The following LOXHD1 variants were observed in gnomAD, a reference collection of about 807,000 sequenced individuals.
LOXHD1 encodes the protein lipoxygenase homology PLAT domains 1.
A neutral mutation model predicts 248.2 loss-of-function variants in LOXHD1; 205 were observed. That is an observed-to-expected ratio of 0.83 (90% CI 0.74 to 0.93). The LOEUF (loss-of-function observed/expected upper bound fraction) is 0.93, where lower values mean the gene tolerates loss of function less well. Among genes scored for constraint, LOXHD1 ranks in the 40% least tolerant of loss-of-function variants. LOXHD1 has a pLI of 0.00. For synonymous variants in LOXHD1, 1,113 were observed against 1,162.8 expected (o/e 0.96, Z 0.87); for missense variants, 2,930 against 2,971.6 (o/e 0.99, Z 0.33).
intron 12 of LOXHD1, among the ~76,000 whole-genome samples, chr18:46,584,779 C>A (rs1465284758): frequency 2.0e-5 from 3 of 152,104 alleles, no homozygotes; most frequent in East Asian, 3.9e-4. Context: ...AACTACAGAC[C>A]AATATCTCTT....
intron 1 of LOXHD1, among the ~76,000 whole-genome samples, chr18:46,651,494 T>C (rs1302748576): frequency 6.6e-6 from 1 of 151,582 alleles, no homozygotes; most frequent in Non-Finnish European, 1.5e-5. Context: ...TGGTGGAAAT[T>C]CTAGAGCCAC....
chr18:46,635,396 G>T (rs529965963), intron 4 of LOXHD1, among the ~76,000 whole-genome samples: 1 of 152,138 alleles, frequency 6.6e-6, no homozygotes, highest in South Asian at 2.1e-4. Flanking sequence ...ATTGCCCTTG[G>T]TCATGTCCTA....
At chr18:46,489,970 C>T (rs935184994) in intron 37 of LOXHD1, among the ~76,000 whole-genome samples, 1 of 152,188 alleles carries the variant, frequency 6.6e-6, no homozygotes, top group Non-Finnish European at 1.5e-5. Flanking sequence ...CATAGCTGCC[C>T]TTGTTATAAT....
intron 2 of LOXHD1, among the ~76,000 whole-genome samples, chr18:46,642,314 C>T (rs1244680004): frequency 3.9e-5 from 6 of 152,236 alleles, no homozygotes. Flanking sequence ...ATTTTACAAA[C>T]TGCTAGTTGG....
chr18:46,560,501 C>A lies in LOXHD1; in HGVS notation c.2643G>T (p.Gly881=), dbSNP rs1262012390. 6.5e-7 allele frequency: 1 copy of A among 1,537,454 alleles called. No homozygotes were observed. The highest frequency in any genetic ancestry group is 8.7e-7 in the Non-Finnish European group (1 of 1,146,516). Residue 881 remains glycine (G), a synonymous_variant, in exon 19 of 41, where the codon GGG becomes GGT. Coordinates refer to ENST00000642948, the MANE Select transcript of LOXHD1 (RefSeq NM_001384474.1). Reference sequence around the variant, plus strand: ...TGGGCCCAAAGCCCTCGCCCGTGTGCCCGAGCCGGAGCTTATAGACCTCGC... The same window carrying A: ...TGGGCCCAAAGCCCTCGCCCGTGTGACCGAGCCGGAGCTTATAGACCTCGC... The part of the protein sequence containing the change: ...DVGEVYKLRL[G]HTGEGFGPSW...
intron 2 of LOXHD1, among the ~76,000 whole-genome samples, chr18:46,642,816 C>T (rs1441802819): frequency 2.6e-5 from 4 of 152,098 alleles, no homozygotes; most frequent in Admixed American, 2.0e-4. Flanking sequence ...TGTGCAGGGC[C>T]GGGGCCCCTG....
Position 46,515,108 on chromosome 18 carries a change from T to C in LOXHD1, c.5399+3021A>G, listed in dbSNP as rs561455292. 4.2e-3 allele frequency among the ~76,000 whole-genome samples: 642 copies of C among 152,308 alleles called. 1 individual carries two copies. Among genetic ancestry groups the C allele is most frequent in the African/African-American group, 0.015 (621 of 41,570 alleles). On this transcript the variant is annotated intron_variant, in intron 34 of 40. Transcript: ENST00000642948. ...GGATAGAGTGAACTGCTATTGGCTATTGTAAGCTTCAGCCCCTGGGTATAG... is the reference window on the plus strand; with the variant it reads ...GGATAGAGTGAACTGCTATTGGCTACTGTAAGCTTCAGCCCCTGGGTATAG...
At chr18:46,479,763 G>GA (rs11366561) in intron 40 of LOXHD1, among the ~76,000 whole-genome samples, 29,396 of 125,478 alleles carry the variant, frequency 0.23, 3,244 homozygotes, top group Middle Eastern at 0.36. Flanking sequence ...ATTCTTAACA[G>GA]AAAAAAAAAA....
At chr18:46,507,461 C>A (rs991193574) in intron 36 of LOXHD1, 77 bp downstream of exon 36, 1 of 1,514,446 alleles carries the variant, frequency 6.6e-7, no homozygotes, top group African/African-American at 1.4e-5. Flanking sequence ...ATGCCCTGAC[C>A]AGAAACAAGG....
At chr18:46,636,392 G>C (rs551951531) in intron 4 of LOXHD1, among the ~76,000 whole-genome samples, 21 of 152,268 alleles carry the variant, frequency 1.4e-4, no homozygotes, top group African/African-American at 2.2e-4. Flanking sequence ...CCTGTGTCTT[G>C]ACGCATGAAA....
intron 29 of LOXHD1, among the ~76,000 whole-genome samples, chr18:46,528,697 C>T (rs2035930196): frequency 6.6e-6 from 1 of 152,138 alleles, no homozygotes; most frequent in African/African-American, 2.4e-5. Context: ...TCATATCTGA[C>T]CCTTCAATTT....
At chr18:46,534,783 T>C (rs2036235050) in intron 26 of LOXHD1, among the ~76,000 whole-genome samples, 1 of 152,212 alleles carries the variant, frequency 6.6e-6, no homozygotes, top group Non-Finnish European at 1.5e-5. Flanking sequence ...AGAACTGAAC[T>C]GGGTAGCAGA....
intron 4 of LOXHD1, among the ~76,000 whole-genome samples, chr18:46,629,458 C>A (rs536909352): frequency 6.6e-5 from 10 of 152,138 alleles, no homozygotes; most frequent in Non-Finnish European, 1.5e-4. Flanking sequence ...CTATGCAGTC[C>A]TCTGGCAGGT....
At chr18:46,553,180 G>A (rs1598986723) in intron 21 of LOXHD1, among the ~76,000 whole-genome samples, 4 of 152,334 alleles carry the variant, frequency 2.6e-5, no homozygotes, top group Admixed American at 2.6e-4. Flanking sequence ...CAGCTGTCAA[G>A]CCACTTTTCC....
intron 21 of LOXHD1, among the ~76,000 whole-genome samples, chr18:46,553,780 AG>A (rs2037205413): frequency 1.3e-5 from 2 of 152,316 alleles, no homozygotes; most frequent in South Asian, 2.1e-4. Flanking sequence ...AAGAGAAATG[AG>A]GGGAAGAGGG....
Position 46,594,381 on chromosome 18 carries a change from A to G in LOXHD1, c.1220T>C (p.Ile407Thr). 6.4e-7 allele frequency: 1 copy of G among 1,551,664 alleles called. No homozygotes were observed. The highest frequency in any genetic ancestry group is 2.4e-5 in the East Asian group (1 of 40,914). Reference sequence around the variant, plus strand: ...CACCATCTCATAGAGCTGCCTCTCAATCAACCCATCCGCTTTCTTCTCATC... The same window carrying G: ...CACCATCTCATAGAGCTGCCTCTCAGTCAACCCATCCGCTTTCTTCTCATC... ...WLDEKKADGL[I>T]ERQLYEMVSL... Residue 407 changes from isoleucine to threonine, a missense_variant, in exon 9 of 41, where the codon ATT (isoleucine) becomes ACT (threonine). Ile to Thr is a moderately conservative substitution (Grantham distance 89). Transcript: ENST00000642948.
chr18:46,538,596 C>T (rs749848759), intron 25 of LOXHD1, among the ~76,000 whole-genome samples: 1 of 152,164 alleles, frequency 6.6e-6, no homozygotes, highest in Non-Finnish European at 1.5e-5. Flanking sequence ...TGCCAGAGCA[C>T]ATGTAGCAGA....
chr18:46,520,518 T>C, intron 33 of LOXHD1: 1 of 337,060 alleles, frequency 3.0e-6, no homozygotes, highest in Non-Finnish European at 5.8e-6. Flanking sequence ...TGTGCGTTTA[T>C]ATAATTTATC....
Position 46,534,431 on chromosome 18 carries a change from G to T in LOXHD1, c.4116C>A (p.Ile1372=), listed in dbSNP as rs1394031740. Reference sequence around the variant, plus strand: ...TATGGCCAATCCGAATTTTTTCAATGATTTCTCCCACATCTTCTAACTTTG... The same window carrying T: ...TATGGCCAATCCGAATTTTTTCAATTATTTCTCCCACATCTTCTAACTTTG... ...FIVELEDVGE[I]IEKIRIGHNN... Residue 1372 remains isoleucine (I), a synonymous_variant, in exon 27 of 41, where the codon ATC becomes ATA. Coordinates refer to ENST00000642948, the MANE Select transcript of LOXHD1 (RefSeq NM_001384474.1). 3 of 1,551,572 alleles carry T rather than the reference G, an allele frequency of 1.9e-6. No homozygotes were observed. Among genetic ancestry groups the T allele is most frequent in the Non-Finnish European group, 2.6e-6 (3 of 1,146,856 alleles).
Sources: allele counts gnomAD v4.1 joint callset (sites outside exome capture counted in the v4.1 genomes callset), GRCh38; gene constraint gnomAD v4.1.1; transcripts MANE v1.5; gene names NCBI Gene and HGNC (gene_info 2026-07-23, HGNC 2026-07-21).